ADGRG4: variants seen among roughly 807,000 people sequenced by gnomAD.
The protein encoded by ADGRG4 is G protein-coupled receptor 112.
A neutral mutation model predicts 126.2 loss-of-function variants in ADGRG4; 122 were observed. The observed-to-expected ratio is 0.97, with a 90% confidence interval of 0.83 to 1.12. The LOEUF (loss-of-function observed/expected upper bound fraction) is 1.12, where lower values mean the gene tolerates loss of function less well. Among genes scored for constraint, ADGRG4 ranks in the 50% most tolerant of loss-of-function variants. ADGRG4 has a pLI of 0.00. For missense variants in ADGRG4, 2,481 were observed against 2,251.8 expected (o/e 1.10, Z -2.06); for synonymous variants, 943 against 838.7 (o/e 1.12, Z -2.15).
At chrX:136,373,532 TCAAAA>T (rs975334652) in intron 15 of ADGRG4, among the ~76,000 whole-genome samples, 1 of 111,798 alleles carries the variant, frequency 8.9e-6, no homozygotes, top group African/African-American at 3.3e-5. Flanking sequence ...CCAACCCTAC[TCAAAA>T]CAATTTCAGA....
Position 136,403,173 on chromosome X carries a change from A to T in ADGRG4, c.8576-71A>T, listed in dbSNP as rs1264867716. 1.1e-5 allele frequency: 8 copies of T among 758,427 alleles called. No individual in the cohort carries two copies. The Admixed American group carries it at 1.8e-4, about 17-fold the overall frequency. The allele number at this position is 758,427 out of a possible 1,213,427, so 62.5% of individuals were successfully genotyped here. A position where few individuals can be genotyped will look rare whatever the true frequency, so the allele number is the denominator to read the frequency against. ...TTAAACAGTGTCTTAATGTATCATC[A>T]CCCACAGTCATTGATTAGGTTGCCT... On this transcript the variant is annotated intron_variant, in intron 21 of 25. Coordinates refer to ENST00000394143, the MANE Select transcript of ADGRG4 (RefSeq NM_153834.4).
At chrX:136,352,772 A>G (rs2075070455) in intron 7 of ADGRG4, among the ~76,000 whole-genome samples, 1 of 112,009 alleles carries the variant, frequency 8.9e-6, no homozygotes, top group Non-Finnish European at 1.9e-5. Flanking sequence ...TGGCTTGGTT[A>G]TAAATCCTTG....
chrX:136,356,099 T>A, intron 8 of ADGRG4, 27 bp from the exon 9 acceptor site: 5 of 1,132,046 alleles, frequency 4.4e-6, no homozygotes, highest in Non-Finnish European at 4.8e-6. Context: ...TTCATTTTCC[T>A]ATAATTTTGT....
chrX:136,361,018 A>G (rs1362443794), intron 11 of ADGRG4, among the ~76,000 whole-genome samples: 1 of 110,789 alleles, frequency 9.0e-6, no homozygotes, highest in Non-Finnish European at 1.9e-5. Flanking sequence ...TAAAAACAAG[A>G]CAGAACAATG....
intron 22 of ADGRG4, among the ~76,000 whole-genome samples, chrX:136,404,603 A>G (rs2075395417): frequency 8.9e-6 from 1 of 111,774 alleles, no homozygotes; most frequent in Non-Finnish European, 1.9e-5. Flanking sequence ...TCAAATTTGT[A>G]TGGATATTCT....
At chrX:136,401,801 T>G (rs2148497623) in intron 21 of ADGRG4, among the ~76,000 whole-genome samples, 1 of 111,876 alleles carries the variant, frequency 8.9e-6, no homozygotes, top group Non-Finnish European at 1.9e-5. Flanking sequence ...AGCCCTATTC[T>G]AAGGGGGCAG....
chrX:136,334,376 G>A lies in ADGRG4; in HGVS notation c.686-10016G>A, dbSNP rs957403708. 5.4e-5 allele frequency among the ~76,000 whole-genome samples: 6 copies of A among 111,189 alleles called. No homozygotes were observed. The South Asian group carries it at 2.3e-3, about 42-fold the overall frequency. The stretch of plus-strand genomic sequence containing the variant: ...ACTTTACATAAAGCCTTAATATTGG[G>A]TAGAGAGATTCCTCTAACCTTATTC... On this transcript the variant is annotated intron_variant, in intron 5 of 25. Transcript: ENST00000394143.
chrX:136,361,489 T>C lies in ADGRG4; in HGVS notation c.7179T>C (p.Ser2393=), dbSNP rs775164985. The part of the protein sequence containing the change: ...PGNCKADETA[S]KYKGTYKWLL... Reference sequence around the variant, plus strand: ...ATTGCAAAGCTGATGAAACAGCCTCTAAATACAAAGGGACCTATAAGTGGC... The same window carrying C: ...ATTGCAAAGCTGATGAAACAGCCTCCAAATACAAAGGGACCTATAAGTGGC... Residue 2393 remains serine (S), a synonymous_variant, in exon 12 of 26, where the codon TCT becomes TCC. Coordinates refer to ENST00000394143, the MANE Select transcript of ADGRG4 (RefSeq NM_153834.4). The C allele has an allele frequency of 8.4e-7, 1 of 1,185,394 alleles. No homozygotes were observed. The highest frequency in any genetic ancestry group is 1.1e-6 in the Non-Finnish European group (1 of 879,462).
At chrX:136,370,828 A>G (rs941857615) in intron 13 of ADGRG4, among the ~76,000 whole-genome samples, 5 of 111,925 alleles carry the variant, frequency 4.5e-5, no homozygotes, top group African/African-American at 1.6e-4. Context: ...GTTAATATCC[A>G]TTGTTCTTAC....
At chrX:136,382,966 G>A (rs906093046) in intron 15 of ADGRG4, among the ~76,000 whole-genome samples, 2 of 111,066 alleles carry the variant, frequency 1.8e-5, no homozygotes, top group Admixed American at 9.5e-5. Flanking sequence ...ATCATTAGGG[G>A]TGATGGTGAG....
chrX:136,346,969 C>T lies in ADGRG4; in HGVS notation c.3263C>T (p.Thr1088Ile). The T allele has an allele frequency of 4.1e-6, 5 of 1,210,507 alleles. No individual in the cohort carries two copies. Among genetic ancestry groups the T allele is most frequent in the Non-Finnish European group, 5.6e-6 (5 of 894,349 alleles). The change falls in exon 6 of 26, where the codon ACT becomes ATT. Residue 1088 changes from threonine to isoleucine, a missense_variant. Coordinates refer to ENST00000394143, the MANE Select transcript of ADGRG4 (RefSeq NM_153834.4). ...ACCCATGGAGACTTGATTCGTACCA[C>T]TTCAGAGGCCACGGTAATCTCTGTC... ...VPTHGDLIRT[T>I]SEATVISVRK...
chrX:136,402,409 C>G (rs2075384015), intron 21 of ADGRG4, among the ~76,000 whole-genome samples: 1 of 111,097 alleles, frequency 9.0e-6, no homozygotes, highest in African/African-American at 3.3e-5. Context: ...CTGCAGCATT[C>G]TAGGTGCTGT....
At position 136,393,593 on chromosome X, in the gene ADGRG4, G is replaced by T. The variant is rs1024962576; in HGVS notation, c.8080+13G>T. 1.7e-6 allele frequency: 2 copies of T among 1,181,064 alleles called. No individual in the cohort carries two copies. Among genetic ancestry groups the T allele is most frequent in the Non-Finnish European group, 2.3e-6 (2 of 869,444 alleles). On this transcript the variant is annotated intron_variant, in intron 18 of 25. Coordinates refer to ENST00000394143, the MANE Select transcript of ADGRG4 (RefSeq NM_153834.4). Reference sequence around the variant, plus strand: ...TTTGAGAATAATAGTAAGTATTTTTGTTAGCAACTTTGACTTTGCCCCAGA... The same window carrying T: ...TTTGAGAATAATAGTAAGTATTTTTTTTAGCAACTTTGACTTTGCCCCAGA...
intron 19 of ADGRG4, among the ~76,000 whole-genome samples, chrX:136,396,609 AAAG>A: frequency 9.6e-6 from 1 of 103,867 alleles, no homozygotes; most frequent in African/African-American, 3.5e-5. Context: ...AAAAAAAAAA[AAAG>A]AGAGAGAGAG....
chrX:136,400,578 T>A (rs1334144099), intron 21 of ADGRG4, among the ~76,000 whole-genome samples: 1 of 112,429 alleles, frequency 8.9e-6, no homozygotes, highest in East Asian at 2.8e-4. Context: ...GATGAGGTAA[T>A]TTGCCAAAAC....
At position 136,349,050 on chromosome X, in the gene ADGRG4, A is replaced by C; in HGVS notation, c.5344A>C (p.Lys1782Gln). ...CTTTAAGAGTGCTTCTGGACCCACA[A>C]AAAATGTTAAAACAACCACCAATTG... is the stretch of plus-strand genomic sequence containing the variant. ...TSFKSASGPTKNVKTTTNCFS... is the reference protein window; with the variant it reads ...TSFKSASGPTQNVKTTTNCFS... The change falls in exon 6 of 26, where the codon AAA becomes CAA. Residue 1782 changes from lysine (K) to glutamine (Q), a missense_variant. Physicochemically the swap from Lys to Gln is moderately conservative, Grantham distance 53. Coordinates refer to ENST00000394143, the MANE Select transcript of ADGRG4 (RefSeq NM_153834.4). 1 of 1,206,356 alleles carries C rather than the reference A, an allele frequency of 8.3e-7. No individual in the cohort carries two copies. Among genetic ancestry groups the C allele is most frequent in the Non-Finnish European group, 1.1e-6 (1 of 892,181 alleles).
chrX:136,405,698 G>A lies in ADGRG4; in HGVS notation c.8661G>A (p.Trp2887Ter), dbSNP rs377713935. 2 of 1,154,589 alleles carry A rather than the reference G, an allele frequency of 1.7e-6. No individual in the cohort carries two copies. Among genetic ancestry groups the A allele is most frequent in the African/African-American group, 3.6e-5 (2 of 55,811 alleles). The stretch of plus-strand genomic sequence containing the variant: ...TCTTCTTTGTTTCTTACAGTTGTTG[G>A]ATTAAAGATGATTCTATCTTTTACA... The part of the protein sequence containing the change: ...GTLSPTTPFC[W>*]IKDDSIFYIS... The change falls in exon 23 of 26, where the codon TGG (tryptophan) becomes TGA (stop). Residue 2887 changes from tryptophan to a stop codon, truncating the protein, a stop_gained. Coordinates refer to ENST00000394143, the MANE Select transcript of ADGRG4 (RefSeq NM_153834.4). LOFTEE classifies it high-confidence loss of function.
At position 136,346,382 on chromosome X, in the gene ADGRG4, G is replaced by A. The variant is rs747631352; in HGVS notation, c.2676G>A (p.Lys892=). ...TTTCCTCTTTTCCTGATATAGAAAA[G>A]CTAAGTACCCCATTGGATAATAAAA... ...VTVSSFPDIE[K]LSTPLDNKTA... Residue 892 remains lysine (K), a synonymous_variant, in exon 6 of 26, where the codon AAG becomes AAA. Transcript: ENST00000394143. 1.7e-6 allele frequency: 2 copies of A among 1,209,905 alleles called. No homozygotes were observed. Among genetic ancestry groups the A allele is most frequent in the Admixed American group, 2.2e-5 (1 of 45,862 alleles).
At chrX:136,356,773 G>A (rs1479294281) in intron 9 of ADGRG4, among the ~76,000 whole-genome samples, 2 of 112,212 alleles carry the variant, frequency 1.8e-5, no homozygotes, top group African/African-American at 6.5e-5. Flanking sequence ...TGAGGTGGGA[G>A]GATTGCTTGA....
Sources: gnomAD v4.1 joint callset for allele counts (sites outside exome capture counted in the v4.1 genomes callset) on GRCh38, gnomAD v4.1.1 for gene constraint, MANE v1.5 for transcripts, NCBI Gene and HGNC (gene_info 2026-07-23, HGNC 2026-07-21) for gene names.